NXPH1: variants seen among roughly 807,000 people sequenced by gnomAD.
NXPH1 encodes neurexophilin-1.
In NXPH1, 5 loss-of-function variants were observed where a neutral mutation model predicts 23.7. That is an observed-to-expected ratio of 0.21 (90% CI 0.11 to 0.44). NXPH1 has a LOEUF of 0.44. Among genes scored for constraint, NXPH1 ranks in the 20% least tolerant of loss-of-function variants. The probability of loss-of-function intolerance (pLI) is 0.99; values close to 1 mark genes in which losing one functional copy is unlikely to be tolerated. For synonymous variants in NXPH1, 144 were observed against 122.2 expected, an observed-to-expected ratio of 1.18 and a Z score of -1.18; for missense variants, 324 against 321.6, an observed-to-expected ratio of 1.01 and a Z score of -0.06.
intron 2 of NXPH1, among the ~76,000 whole-genome samples, chr7:8,687,275 T>C (rs1041310675): frequency 3.9e-5 from 6 of 152,030 alleles, no homozygotes; most frequent in African/African-American, 1.2e-4. Flanking sequence ...AGTGAGCTTT[T>C]GGAGGTGAGT....
At chr7:8,613,705 C>A (rs1429478504) in intron 2 of NXPH1, among the ~76,000 whole-genome samples, 1 of 151,670 alleles carries the variant, frequency 6.6e-6, no homozygotes, top group Non-Finnish European at 1.5e-5. Flanking sequence ...ATATCTTAAG[C>A]CTTTGACTTT....
intron 2 of NXPH1, among the ~76,000 whole-genome samples, chr7:8,438,141 G>A (rs2128603723): frequency 6.6e-6 from 1 of 152,346 alleles, no homozygotes; most frequent in South Asian, 2.1e-4. Context: ...GGTGAATTGG[G>A]CAGTCATTTC....
chr7:8,643,565 T>C (rs1279951761), intron 2 of NXPH1, among the ~76,000 whole-genome samples: 2 of 152,154 alleles, frequency 1.3e-5, no homozygotes, highest in Non-Finnish European at 2.9e-5. Flanking sequence ...TCTGAATATA[T>C]TGAGATTTTT....
chr7:8,661,865 T>C (rs2115162357), intron 2 of NXPH1, among the ~76,000 whole-genome samples: 1 of 152,214 alleles, frequency 6.6e-6, no homozygotes, highest in Non-Finnish European at 1.5e-5. Context: ...CAAGTATGAC[T>C]GATACATAAA....
chr7:8,592,106 A>G (rs1295123936), intron 2 of NXPH1, among the ~76,000 whole-genome samples: 1 of 152,038 alleles, frequency 6.6e-6, no homozygotes, highest in Non-Finnish European at 1.5e-5. Flanking sequence ...CTGTAAGGGT[A>G]CTATGGAGGA....
intron 2 of NXPH1, among the ~76,000 whole-genome samples, chr7:8,585,129 G>T (rs1295619392): frequency 6.6e-6 from 1 of 152,130 alleles, no homozygotes; most frequent in East Asian, 1.9e-4. Flanking sequence ...TAATTTGGGG[G>T]ACTTTCTCTA....
intron 2 of NXPH1, among the ~76,000 whole-genome samples, chr7:8,618,218 T>C (rs1221928598): frequency 6.6e-6 from 1 of 152,122 alleles, no homozygotes; most frequent in Non-Finnish European, 1.5e-5. Context: ...GATCTGGGCA[T>C]TTTGGGATCT....
At chr7:8,540,211 G>T (rs1044398979) in intron 2 of NXPH1, among the ~76,000 whole-genome samples, 1 of 151,650 alleles carries the variant, frequency 6.6e-6, no homozygotes, top group Non-Finnish European at 1.5e-5. Context: ...TTGGATATTC[G>T]AAATAACTCT....
At chr7:8,717,404 T>C (rs1192270043) in intron 2 of NXPH1, among the ~76,000 whole-genome samples, 1 of 152,140 alleles carries the variant, frequency 6.6e-6, no homozygotes, top group Non-Finnish European at 1.5e-5. Flanking sequence ...GACTGACTGA[T>C]CTTTAGTGAG....
At chr7:8,579,959 A>G (rs189532166) in intron 2 of NXPH1, among the ~76,000 whole-genome samples, 53 of 152,312 alleles carry the variant, frequency 3.5e-4, no homozygotes, top group Non-Finnish European at 6.0e-4. Context: ...TCTTTACATA[A>G]AAAACGGTTG....
intron 2 of NXPH1, among the ~76,000 whole-genome samples, chr7:8,565,855 A>G (rs1040276355): frequency 8.6e-5 from 13 of 151,800 alleles, no homozygotes; most frequent in Admixed American, 8.5e-4. Flanking sequence ...TTAGGGCCAC[A>G]AATTCAATAA....
At chr7:8,560,552 G>A (rs1818426781) in intron 2 of NXPH1, among the ~76,000 whole-genome samples, 1 of 151,664 alleles carries the variant, frequency 6.6e-6, no homozygotes, top group Admixed American at 6.6e-5. Flanking sequence ...TACCCTTTCT[G>A]CAGTGTGTAA....
At chr7:8,485,943 G>A (rs530101367) in intron 2 of NXPH1, among the ~76,000 whole-genome samples, 1 of 152,204 alleles carries the variant, frequency 6.6e-6, no homozygotes, top group Admixed American at 6.6e-5. Flanking sequence ...TGTTCATCTG[G>A]CATTGACTTT....
intron 2 of NXPH1, among the ~76,000 whole-genome samples, chr7:8,481,077 A>G (rs943451512): frequency 4.1e-4 from 63 of 152,204 alleles, no homozygotes; most frequent in African/African-American, 1.4e-3. Flanking sequence ...CTGATGAACC[A>G]CAGCAGCCTC....
At chr7:8,608,069 G>A (rs1440882078) in intron 2 of NXPH1, among the ~76,000 whole-genome samples, 11 of 152,230 alleles carry the variant, frequency 7.2e-5, no homozygotes. Context: ...AGAGAACACT[G>A]CTTTGCTGAT....
intron 2 of NXPH1, among the ~76,000 whole-genome samples, chr7:8,588,382 G>T (rs1819021174): frequency 6.6e-6 from 1 of 152,070 alleles, no homozygotes; most frequent in South Asian, 2.1e-4. Context: ...TCAAAGAAGA[G>T]GGAATTTATT....
intron 2 of NXPH1, among the ~76,000 whole-genome samples, chr7:8,742,334 TGGAATTGA>T (rs768538797): frequency 1.4e-4 from 22 of 151,886 alleles, no homozygotes; most frequent in Admixed American, 7.2e-4. Context: ...AAGAAAACAT[TGGAATTGA>T]GGCTAAAATA....
intron 2 of NXPH1, among the ~76,000 whole-genome samples, chr7:8,572,890 G>A (rs540354730): frequency 1.3e-5 from 2 of 151,648 alleles, no homozygotes; most frequent in South Asian, 2.1e-4. Flanking sequence ...TCTTACAGAG[G>A]GCAGCATGAG....
At position 8,475,909 on chromosome 7, in the gene NXPH1, A is replaced by G. The variant is rs535789416; in HGVS notation, c.54+40142A>G. ...ATCTTTATCTCTGTTTTAATTCCAGATAATACCCATGTCTGCCACCCCTGC... is the reference window on the plus strand; with the variant it reads ...ATCTTTATCTCTGTTTTAATTCCAGGTAATACCCATGTCTGCCACCCCTGC... On this transcript the variant is annotated intron_variant, in intron 2 of 2. Coordinates refer to ENST00000405863, the MANE Select transcript of NXPH1 (RefSeq NM_152745.3). Among the ~76,000 whole-genome samples the G allele has an allele frequency of 2.6e-4, 40 of 152,260 alleles. No homozygotes were observed. In the South Asian group the frequency reaches 7.9e-3, roughly 30 times the overall value.
Sources: gnomAD v4.1 joint callset for allele counts (sites outside exome capture counted in the v4.1 genomes callset) on GRCh38, gnomAD v4.1.1 for gene constraint, MANE v1.5 for transcripts, NCBI Gene and HGNC (gene_info 2026-07-23, HGNC 2026-07-21) for gene names.